MSH3: variants seen among roughly 807,000 people sequenced by gnomAD.
MSH3 encodes mutS homolog 3.
Under a neutral mutation model 123.3 loss-of-function variants are expected in MSH3, and 106 were observed. The observed-to-expected ratio is 0.86, with a 90% CI of 0.73 to 1.01. MSH3 has a LOEUF of 1.01. Ranked by LOEUF, MSH3 falls within the 50% of genes least tolerant of loss-of-function variation. The pLI is 0.00. For missense variants in MSH3, 1,459 were observed against 1,347.6 expected (o/e 1.08, Z -1.29); for synonymous variants, 515 against 481.4 (o/e 1.07, Z -0.91).
intron 3 of MSH3, among the ~76,000 whole-genome samples, chr5:80,669,647 A>G (rs1247117285): frequency 6.6e-6 from 1 of 152,214 alleles, no homozygotes; most frequent in Non-Finnish European, 1.5e-5. Flanking sequence ...GCTTGGAAGT[A>G]TAAAACATTA....
rs185672476 is a variant in MSH3, at chr5:80,822,898, A to G, written c.2813+9157A>G. 1.3e-4 allele frequency among the ~76,000 whole-genome samples: 20 copies of G among 152,308 alleles called. No homozygotes were observed. In the East Asian group the frequency reaches 3.1e-3, roughly 23 times the overall value. ...GGAACAGCCTTAAGGAACTGGCCCA[A>G]TTGCCAATCACTGTGTGAAAGAACA... On this transcript the variant is annotated intron_variant, in intron 20 of 23. Transcript: ENST00000265081.
intron 8 of MSH3, among the ~76,000 whole-genome samples, chr5:80,717,718 A>T (rs1750992881): frequency 6.6e-6 from 1 of 152,096 alleles, no homozygotes; most frequent in Non-Finnish European, 1.5e-5. Flanking sequence ...TGAGGTAAAT[A>T]TGTCATTGTG....
At chr5:80,741,999 C>CT (rs1322672958) in intron 11 of MSH3, among the ~76,000 whole-genome samples, 2 of 141,092 alleles carry the variant, frequency 1.4e-5, no homozygotes, top group Non-Finnish European at 3.2e-5. Context: ...AGTTTGCAAA[C>CT]TTTCTTTTTT....
At chr5:80,824,632 C>G (rs1165389073) in intron 20 of MSH3, among the ~76,000 whole-genome samples, 3 of 152,162 alleles carry the variant, frequency 2.0e-5, no homozygotes, top group African/African-American at 7.2e-5. Context: ...AACAGGTGTA[C>G]TAGGGTATGA....
chr5:80,714,047 A>G (rs1750907267), intron 8 of MSH3, among the ~76,000 whole-genome samples: 1 of 152,072 alleles, frequency 6.6e-6, no homozygotes, highest in Admixed American at 6.6e-5. Flanking sequence ...TACATATGAA[A>G]AGGTTAAAGT....
At chr5:80,687,150 T>C (rs1750110805) in intron 8 of MSH3, among the ~76,000 whole-genome samples, 3 of 152,238 alleles carry the variant, frequency 2.0e-5, no homozygotes, top group Admixed American at 2.0e-4. Flanking sequence ...CAATTTTTCT[T>C]AGATTATTTA....
chr5:80,756,917 G>T (rs529428940), intron 12 of MSH3, among the ~76,000 whole-genome samples: 1 of 152,210 alleles, frequency 6.6e-6, no homozygotes, highest in South Asian at 2.1e-4. Context: ...AGATTATTTA[G>T]GTAGTTCATT....
intron 20 of MSH3, among the ~76,000 whole-genome samples, chr5:80,832,854 A>G (rs149080399): frequency 1.2e-3 from 178 of 152,250 alleles, no homozygotes; most frequent in Middle Eastern, 3.4e-3. Flanking sequence ...ATCATTCAAT[A>G]TGAAAAGTCC....
intron 18 of MSH3, among the ~76,000 whole-genome samples, chr5:80,792,183 C>A (rs1393364777): frequency 6.6e-6 from 1 of 151,946 alleles, no homozygotes; most frequent in Non-Finnish European, 1.5e-5. Context: ...TAGCAATAAT[C>A]TGAACTGTTA....
intron 8 of MSH3, among the ~76,000 whole-genome samples, chr5:80,719,950 A>T (rs188286947): frequency 6.6e-6 from 1 of 152,304 alleles, no homozygotes; most frequent in East Asian, 1.9e-4. Context: ...GGCTCAGTAC[A>T]TGTGGGATGG....
chr5:80,752,695 T>A (rs1311041798), intron 12 of MSH3, among the ~76,000 whole-genome samples: 1 of 152,152 alleles, frequency 6.6e-6, no homozygotes, highest in Non-Finnish European at 1.5e-5. Context: ...TCATAGCAAT[T>A]TTTTGGTCAA....
intron 12 of MSH3, chr5:80,746,387 C>T: frequency 2.4e-6 from 1 of 417,542 alleles, no homozygotes; most frequent in East Asian, 7.2e-5. Flanking sequence ...GTTTCCTCTT[C>T]TTCAGTAAAG....
chr5:80,661,410 T>C (rs779673788), intron 2 of MSH3, among the ~76,000 whole-genome samples: 3 of 152,236 alleles, frequency 2.0e-5, no homozygotes, highest in African/African-American at 4.8e-5. Flanking sequence ...AGTGGTCTTT[T>C]TTTCTGCTAT....
At chr5:80,705,106 C>T (rs1032629314) in intron 8 of MSH3, among the ~76,000 whole-genome samples, 4 of 152,250 alleles carry the variant, frequency 2.6e-5, no homozygotes, top group African/African-American at 7.2e-5. Context: ...ACATAGTGCT[C>T]ATTAAATATT....
At chr5:80,672,200 C>T (rs1241369164) in intron 4 of MSH3, 44 bp from the exon 5 acceptor site, 1 of 1,373,716 alleles carries the variant, frequency 7.3e-7, no homozygotes, top group Non-Finnish European at 1.0e-6. Context: ...CATAGGGAAT[C>T]TTAAAATATA....
intron 20 of MSH3, among the ~76,000 whole-genome samples, chr5:80,817,707 G>A (rs1038944917): frequency 4.9e-4 from 74 of 152,030 alleles, no homozygotes; most frequent in African/African-American, 1.8e-3. Flanking sequence ...TTTCAAATAG[G>A]TAACGGGGAA....
intron 8 of MSH3, among the ~76,000 whole-genome samples, chr5:80,679,631 T>C (rs367634681): frequency 9.2e-5 from 14 of 152,326 alleles, no homozygotes; most frequent in African/African-American, 3.4e-4. Context: ...GTTTACTGGA[T>C]CTAAGATCAG....
intron 20 of MSH3, among the ~76,000 whole-genome samples, chr5:80,852,975 G>C (rs192143384): frequency 2.6e-4 from 39 of 152,296 alleles, no homozygotes; most frequent in Admixed American, 2.4e-3. Flanking sequence ...TGAAAAACCT[G>C]AATTCTGAGT....
At chr5:80,710,189 C>G (rs553871142) in intron 8 of MSH3, among the ~76,000 whole-genome samples, 1 of 152,162 alleles carries the variant, frequency 6.6e-6, no homozygotes, top group Non-Finnish European at 1.5e-5. Context: ...TATTTTATTA[C>G]GGGTTTTATA....
Sources: gnomAD v4.1 joint callset for allele counts (sites outside exome capture counted in the v4.1 genomes callset) on GRCh38, gnomAD v4.1.1 for gene constraint, MANE v1.5 for transcripts, NCBI Gene and HGNC (gene_info 2026-07-23, HGNC 2026-07-21) for gene names.